Variants in ERAP1 observed in about 807,000 individuals in gnomAD.
The protein encoded by ERAP1 is endoplasmic reticulum aminopeptidase 1, also known as adipocyte-derived leucine aminopeptidase.
Under a neutral mutation model 103.7 loss-of-function variants are expected in ERAP1, and 86 were observed. The ratio of observed to expected loss-of-function variants is 0.83; its 90% CI spans 0.70 to 0.99. The LOEUF (loss-of-function observed/expected upper bound fraction) is 0.99, where lower values mean the gene tolerates loss of function less well. Ranked by LOEUF, ERAP1 falls within the 50% of genes least tolerant of loss-of-function variation. The probability of loss-of-function intolerance (pLI) is 0.00; values close to 1 mark genes in which losing one functional copy is unlikely to be tolerated. For synonymous variants in ERAP1, 398 were observed against 402.4 expected, an observed-to-expected ratio of 0.99 and a Z score of 0.13; for missense variants, 1,009 against 1,128.4, an observed-to-expected ratio of 0.89 and a Z score of 1.52.
At chr5:96,900,027 C>T in the ERAP1 span, 2 of 1,377,318 alleles carry the variant, frequency 1.5e-6, no homozygotes, top group Non-Finnish European at 1.0e-6. Context: ...TTTCATATAG[C>T]TCTTTTAATA....
chr5:96,879,227 CATAA>C, the ERAP1 span, among the ~76,000 whole-genome samples: 5 of 152,120 alleles, frequency 3.3e-5, no homozygotes, highest in East Asian at 9.6e-4. Context: ...CTGTCTAAAA[CATAA>C]ATAAATAAAC....
chr5:96,772,864 A>G (rs749124447), downstream of ERAP1: 1 of 153,326 alleles, frequency 6.5e-6, no homozygotes, highest in Non-Finnish European at 1.5e-5. Flanking sequence ...ATTGCCTTCA[A>G]TTGGGAGAGA....
At chr5:96,932,414 G>T in the ERAP1 span, among the ~76,000 whole-genome samples, 12 of 152,216 alleles carry the variant, frequency 7.9e-5, no homozygotes, top group African/African-American at 2.9e-4. Flanking sequence ...AATTAAGTTG[G>T]AATCTTAATT....
Position 96,785,768 on chromosome 5 carries a change from C to T in ERAP1, c.1943+20G>A. The T allele has an allele frequency of 1.2e-6, 2 of 1,613,636 alleles. No individual in the cohort carries two copies. Among genetic ancestry groups the T allele is most frequent in the Non-Finnish European group, 1.7e-6 (2 of 1,179,608 alleles). On this transcript the variant is annotated intron_variant, in intron 13 of 18. Coordinates refer to ENST00000443439, the MANE Select transcript of ERAP1 (RefSeq NM_001040458.3). Reference sequence around the variant, plus strand: ...AGCTGCTTTCAGAAATAAACCGCGACTTTGTGCAGCGTGTATTACCTGACG... The same window carrying T: ...AGCTGCTTTCAGAAATAAACCGCGATTTTGTGCAGCGTGTATTACCTGACG...
chr5:96,780,329 C>T (rs1236832832), intron 18 of ERAP1, 94 bp downstream of exon 18: 1 of 538,814 alleles, frequency 1.9e-6, no homozygotes, highest in Non-Finnish European at 2.7e-6. Flanking sequence ...CCATTTCTAA[C>T]TCACCACACC....
the ERAP1 span, among the ~76,000 whole-genome samples, chr5:96,890,721 A>G: frequency 6.6e-6 from 1 of 152,214 alleles, no homozygotes; most frequent in Non-Finnish European, 1.5e-5. Context: ...GCTTAAAAAA[A>G]TTAAAAGCTA....
At chr5:96,822,280 A>G in the ERAP1 span, among the ~76,000 whole-genome samples, 1 of 152,026 alleles carries the variant, frequency 6.6e-6, no homozygotes, top group African/African-American at 2.4e-5. Flanking sequence ...TGTTTTTTGT[A>G]TTGTCGTCTG....
chr5:96,866,510 A>G, the ERAP1 span, among the ~76,000 whole-genome samples: 1 of 152,246 alleles, frequency 6.6e-6, no homozygotes, highest in Non-Finnish European at 1.5e-5. Flanking sequence ...TTTAACATGT[A>G]TGCCCAACCC....
chr5:96,836,491 C>G, the ERAP1 span, among the ~76,000 whole-genome samples: 1 of 152,312 alleles, frequency 6.6e-6, no homozygotes, highest in Admixed American at 6.5e-5. Flanking sequence ...CGTGAGCCAC[C>G]ACGCCTGGTC....
In ERAP1 at chr5:96,774,578, C is replaced by G. The variant is rs2150854201; in HGVS notation, c.*1818G>C. 9 of 985,466 alleles carry G rather than the reference C, an allele frequency of 9.1e-6. No homozygotes were observed. The highest frequency in any genetic ancestry group is 4.7e-5 in the South Asian group (1 of 21,286). The allele number at this position is 985,466 out of a possible 1,614,324, so 61.0% of individuals were successfully genotyped here. On this transcript the variant is annotated 3_prime_UTR_variant, in exon 19 of 19. Coordinates refer to ENST00000443439, the MANE Select transcript of ERAP1 (RefSeq NM_001040458.3). ...TTTAGAAAATGGGCTTTTCCAAAAG[C>G]AAACAAAGATAGGTTCCTCAGGTGA...
At chr5:96,819,473 G>C in the ERAP1 span, among the ~76,000 whole-genome samples, 1 of 152,178 alleles carries the variant, frequency 6.6e-6, no homozygotes, top group Admixed American at 6.5e-5. Flanking sequence ...AGGAGAGCCT[G>C]TGGCTCCAGA....
rs749612434 is a variant in ERAP1 at position 96,795,103 on chromosome 5, C to T, written c.858G>A (p.Ala286=). 1.9e-5 allele frequency: 30 copies of T among 1,613,792 alleles called. No homozygotes were observed. The highest frequency in any genetic ancestry group is 8.9e-5 in the East Asian group (4 of 44,858). ...CCTCATAAAATTCTAGAAGAGTCAC[C>T]GCAGCATCCAGTGCATAATCTGCTT... ...INQADYALDA[A]VTLLEFYEDY... Residue 286 remains alanine (A), a synonymous_variant, in exon 5 of 19, where the codon GCG becomes GCA. Transcript: ENST00000443439.
intron 1 of ERAP1, chr5:96,804,440 A>G (rs1778330582): frequency 5.4e-6 from 1 of 184,664 alleles, no homozygotes; most frequent in African/African-American, 2.4e-5. Context: ...TCAAATGCTG[A>G]CACAGTGGCA....
Position 96,797,317 on chromosome 5 carries a change from C to T in ERAP1, c.664-8G>A. On this transcript the variant is annotated splice_region_variant and splice_polypyrimidine_tract_variant and intron_variant, in intron 3 of 18. Transcript: ENST00000443439. ...AACAGTCACAGATTTCACCTAAAAT[C>T]AGAATAATTCAAATTATCAAGTAAT... 3 of 1,613,172 alleles carry T rather than the reference C, an allele frequency of 1.9e-6. No individual in the cohort carries two copies. Among genetic ancestry groups the T allele is most frequent in the Non-Finnish European group, 2.5e-6 (3 of 1,179,668 alleles).
the ERAP1 span, among the ~76,000 whole-genome samples, chr5:96,841,744 CTTCT>C: frequency 3.4e-5 from 2 of 59,628 alleles, no homozygotes; most frequent in East Asian, 4.4e-4. Context: ...TTCTCTTCTT[CTTCT>C]TTTTTTTTTT....
rs201134181 is a variant in ERAP1, at chr5:96,780,432, C to T, written c.2661G>A (p.Arg887=). The T allele has an allele frequency of 1.2e-6, 2 of 1,607,652 alleles. No homozygotes were observed. The highest frequency in any genetic ancestry group is 1.3e-5 in the African/African-American group (1 of 74,598). The change falls in exon 18 of 19, where the codon CGG becomes CGA. Residue 887 remains arginine, a synonymous_variant. Transcript: ENST00000443439. The stretch of plus-strand genomic sequence containing the variant: ...GATTTTTTTTTTTTACCTCTTCAAG[C>T]CGTGTTCTTGTGGAGAATTGATTTG... ...GTTNQFSTRT[R]LEEVKGFFSS...
At chr5:96,854,325 C>T in the ERAP1 span, among the ~76,000 whole-genome samples, 3 of 152,236 alleles carry the variant, frequency 2.0e-5, 1 homozygote, top group South Asian at 6.2e-4. Flanking sequence ...TCAATAGATA[C>T]CTCAAGTATG....
chr5:96,892,161 A>G, the ERAP1 span: 1 of 781,324 alleles, frequency 1.3e-6, no homozygotes, highest in Non-Finnish European at 2.1e-6. Flanking sequence ...ACACCCTGTC[A>G]ATGTTAAGAT....
At chr5:96,801,087 C>CT in intron 2 of ERAP1, 87 bp from the exon 3 acceptor site, 3 of 1,433,508 alleles carry the variant, frequency 2.1e-6, no homozygotes, top group Non-Finnish European at 2.9e-6. Context: ...CCTAAAGTTA[C>CT]TATAAGATTG....
Sources: gnomAD v4.1 joint callset for allele counts (sites outside exome capture counted in the v4.1 genomes callset) on GRCh38, gnomAD v4.1.1 for gene constraint, MANE v1.5 for transcripts, NCBI Gene and HGNC (gene_info 2026-07-23, HGNC 2026-07-21) for gene names.